Variants in NCOA2 observed in about 807,000 individuals in gnomAD.
NCOA2 encodes the protein class E basic helix-loop-helix protein 75.
In NCOA2, 21 loss-of-function variants were observed where a neutral mutation model predicts 145.1. The observed-to-expected ratio is 0.14, with a 90% confidence interval of 0.10 to 0.21. NCOA2 has a LOEUF of 0.21. Ranked by LOEUF, NCOA2 falls within the 10% of genes least tolerant of loss-of-function variation. The pLI, the probability that NCOA2 is intolerant of heterozygous loss-of-function variation, is 1.00. For synonymous variants in NCOA2, 619 were observed against 637.5 expected, an observed-to-expected ratio of 0.97 and a Z score of 0.44; for missense variants, 1,472 against 1,837.6, an observed-to-expected ratio of 0.80 and a Z score of 3.64.
chr8:70,140,202 C>G (rs1234487460), intron 14 of NCOA2, among the ~76,000 whole-genome samples: 1 of 152,164 alleles, frequency 6.6e-6, no homozygotes, highest in Non-Finnish European at 1.5e-5. Context: ...CAATCGACTT[C>G]AGAACGCTTT....
At chr8:70,139,511 G>A (rs1810130226) in intron 14 of NCOA2, among the ~76,000 whole-genome samples, 1 of 152,110 alleles carries the variant, frequency 6.6e-6, no homozygotes, top group African/African-American at 2.4e-5. Context: ...TACATTCAAT[G>A]TAGTGAGGCA....
chr8:70,124,880 CAG>C lies in NCOA2; in HGVS notation c.3917-17_3917-16del. The C allele has an allele frequency of 6.6e-7, 1 of 1,517,636 alleles. No homozygotes were observed. Among genetic ancestry groups the C allele is most frequent in the Non-Finnish European group, 8.9e-7 (1 of 1,127,000 alleles). The allele number at this position is 1,517,636 out of a possible 1,614,324, so 94.0% of individuals were successfully genotyped here. A position where few individuals can be genotyped will look rare whatever the true frequency, so the allele number is the denominator to read the frequency against. ...CTGACTTATTCCTTAAAAAAAAAAA[CAG>C]AAACAGAAATCCAAAAGAGACTGTT... On this transcript the variant is annotated splice_polypyrimidine_tract_variant and intron_variant, in intron 19 of 22. Transcript: ENST00000452400.
At chr8:70,261,482 C>T (rs1352216716) in intron 2 of NCOA2, among the ~76,000 whole-genome samples, 1 of 152,004 alleles carries the variant, frequency 6.6e-6, no homozygotes, top group African/African-American at 2.4e-5. Context: ...AGGAGATATA[C>T]CTAATGCTAA....
At chr8:70,379,798 A>C (rs972362571) in intron 1 of NCOA2, among the ~76,000 whole-genome samples, 1 of 149,108 alleles carries the variant, frequency 6.7e-6, no homozygotes, top group Non-Finnish European at 1.5e-5. Context: ...CCTATACATA[A>C]AATTTAGAGC....
intron 13 of NCOA2, among the ~76,000 whole-genome samples, chr8:70,142,625 G>A (rs568967225): frequency 6.6e-6 from 1 of 152,142 alleles, no homozygotes; most frequent in African/African-American, 2.4e-5. Context: ...CTTGAGCCTG[G>A]GAGGTTGAAG....
rs996146738 is a variant in NCOA2, at chr8:70,113,501, A to G, written c.*131T>C. 1.4e-5 allele frequency: 15 copies of G among 1,045,518 alleles called. No individual in the cohort carries two copies. Among genetic ancestry groups the G allele is most frequent in the Non-Finnish European group, 2.0e-5 (14 of 700,018 alleles). 64.8% of individuals were successfully genotyped at this position (1,045,518 alleles called of 1,614,324 possible). A position where few individuals can be genotyped will look rare whatever the true frequency, so the allele number is the denominator to read the frequency against. On this transcript the variant is annotated 3_prime_UTR_variant, in exon 23 of 23. Coordinates refer to ENST00000452400, the MANE Select transcript of NCOA2 (RefSeq NM_006540.4). ...GGACGCCACCCTGGGAACCAGGGCC[A>G]GGCCTGTCTGCTCTAGCAGAACCGG...
rs201998482 is a variant in NCOA2 at position 70,279,728 on chromosome 8, A to AT, written c.-20+17015dup. Reference sequence around the variant, plus strand: ...TGGACCAGTGAGAGTCATTCCTGTAATTTTTTTTTAGAGCTATCAGGAAAG... The same window carrying AT: ...TGGACCAGTGAGAGTCATTCCTGTAATTTTTTTTTTAGAGCTATCAGGAAAG... On this transcript the variant is annotated intron_variant, in intron 2 of 22. Transcript: ENST00000452400. 2.5e-3 allele frequency among the ~76,000 whole-genome samples: 375 copies of AT among 151,794 alleles called. 2 individuals are homozygous for AT. Among genetic ancestry groups the AT allele is most frequent in the African/African-American group, 8.4e-3 (349 of 41,406 alleles).
chr8:70,207,862 CAAAAAAAAA>C (rs754670876), intron 4 of NCOA2, among the ~76,000 whole-genome samples: 13 of 36,208 alleles, frequency 3.6e-4, no homozygotes, highest in Non-Finnish European at 5.2e-4. Flanking sequence ...GACTCCACCT[CAAAAAAAAA>C]AAAAAAAAAA....
chr8:70,424,767 C>A, the NCOA2 span, among the ~76,000 whole-genome samples: 1 of 152,186 alleles, frequency 6.6e-6, no homozygotes, highest in Non-Finnish European at 1.5e-5. Flanking sequence ...TGCAGTAAAA[C>A]GTTATTTAAG....
chr8:70,148,231 T>C lies in NCOA2; in HGVS notation c.2605+42A>G. On this transcript the variant is annotated intron_variant, in intron 12 of 22. Coordinates refer to ENST00000452400, the MANE Select transcript of NCOA2 (RefSeq NM_006540.4). ...TAATCCCTGTTTCTGATAGTGATTA[T>C]ATGGAAATTTCTTGGCATAACCAGC... is the stretch of plus-strand genomic sequence containing the variant. The C allele has an allele frequency of 1.3e-6, 2 of 1,572,972 alleles. No individual in the cohort carries two copies. The highest frequency in any genetic ancestry group is 1.1e-5 in the South Asian group (1 of 89,972).
At chr8:70,170,960 A>G (rs531879177) in intron 5 of NCOA2, among the ~76,000 whole-genome samples, 13 of 152,332 alleles carry the variant, frequency 8.5e-5, no homozygotes, top group African/African-American at 2.9e-4. Context: ...TATATGGGAA[A>G]GGGTCTCGGA....
chr8:70,207,862 CAAA>C (rs754670876), intron 4 of NCOA2, among the ~76,000 whole-genome samples: 3 of 36,184 alleles, frequency 8.3e-5, no homozygotes, highest in African/African-American at 2.2e-4. Flanking sequence ...GACTCCACCT[CAAA>C]AAAAAAAAAA....
At chr8:70,266,930 C>A (rs1824647914) in intron 2 of NCOA2, among the ~76,000 whole-genome samples, 1 of 152,128 alleles carries the variant, frequency 6.6e-6, no homozygotes, top group Non-Finnish European at 1.5e-5. Context: ...TTCCACAGGG[C>A]AATAACGTAG....
chr8:70,411,536 A>G, the NCOA2 span, among the ~76,000 whole-genome samples: 29 of 152,240 alleles, frequency 1.9e-4, no homozygotes, highest in Admixed American at 1.9e-3. Flanking sequence ...AAAGCTGAGC[A>G]TGTCTCCTGG....
chr8:70,310,376 G>C (rs1828226659), intron 1 of NCOA2, among the ~76,000 whole-genome samples: 1 of 147,390 alleles, frequency 6.8e-6, no homozygotes. Flanking sequence ...AAATCTCATA[G>C]AGTGACCGAG....
At chr8:70,318,159 G>A (rs1488900503) in intron 1 of NCOA2, among the ~76,000 whole-genome samples, 1 of 152,176 alleles carries the variant, frequency 6.6e-6, no homozygotes, top group Admixed American at 6.5e-5. Flanking sequence ...TCCATGCTGA[G>A]TGCAGTCATA....
At chr8:70,363,079 T>TAAAACAA (rs1387666196) in intron 1 of NCOA2, among the ~76,000 whole-genome samples, 2,472 of 99,720 alleles carry the variant, frequency 0.025, 20 homozygotes, top group Non-Finnish European at 0.036. Flanking sequence ...ACTCTGTCTT[T>TAAAACAA]AAAAAAAAAA....
chr8:70,235,853 AT>A (rs1207958748), intron 2 of NCOA2, among the ~76,000 whole-genome samples: 6 of 152,012 alleles, frequency 3.9e-5, no homozygotes, highest in South Asian at 4.2e-4. Context: ...CAAAAAACAA[AT>A]TTTTTTTCTT....
At chr8:70,247,617 G>A (rs968044269) in intron 2 of NCOA2, among the ~76,000 whole-genome samples, 7 of 152,142 alleles carry the variant, frequency 4.6e-5, no homozygotes, top group East Asian at 1.9e-4. Context: ...TGTGAAATCC[G>A]TCTACCCAAA....
Sources: gnomAD v4.1 joint callset for allele counts (sites outside exome capture counted in the v4.1 genomes callset) on GRCh38, gnomAD v4.1.1 for gene constraint, MANE v1.5 for transcripts, NCBI Gene and HGNC (gene_info 2026-07-23, HGNC 2026-07-21) for gene names.